PLCH1: variants seen among roughly 807,000 people sequenced by gnomAD.
PLCH1 encodes the protein 1-phosphatidylinositol 4,5-bisphosphate phosphodiesterase eta-1.
Under a neutral mutation model 126.7 loss-of-function variants are expected in PLCH1, and 60 were observed. That is an observed-to-expected ratio of 0.47 (90% CI 0.38 to 0.59). PLCH1 has a LOEUF of 0.59. Ranked by LOEUF, PLCH1 falls within the 20% of genes least tolerant of loss-of-function variation. The probability of loss-of-function intolerance (pLI) is 0.00; values close to 1 mark genes in which losing one functional copy is unlikely to be tolerated. For missense variants in PLCH1, 1,723 were observed against 2,040.0 expected (o/e 0.84, Z 2.99); for synonymous variants, 719 against 734.9 (o/e 0.98, Z 0.35).
chr3:155,481,032 G>A lies in PLCH1; in HGVS notation c.4994C>T (p.Ser1665Phe), dbSNP rs745529770. 1 of 1,611,990 alleles carries A rather than the reference G, an allele frequency of 6.2e-7. No homozygotes were observed. Among genetic ancestry groups the A allele is most frequent in the Non-Finnish European group, 8.5e-7 (1 of 1,178,156 alleles). ...GHVDQFCSDN[S>F]VLQTEPSSDD... ...ACTGCTTGGCTCAGTCTGCAAAACA[G>A]AATTATCTGAACAAAACTGGTCAAC... The change falls in exon 23 of 23, where the codon TCT becomes TTT. Residue 1665 changes from serine (S) to phenylalanine (F), a missense_variant. By Grantham distance (155) the Ser-to-Phe change is radical (BLOSUM62 -2). This residue lies in a region of PLCH1 where 947 missense variants were observed against 977.1 expected (regional missense o/e 0.97). Transcript: ENST00000460012. The surrounding 1 kb of genome is among the most constrained non-coding windows in gnomAD (Gnocchi z 4.2).
chr3:155,688,474 C>T (rs1213289395), intron 2 of PLCH1, among the ~76,000 whole-genome samples: 1 of 152,326 alleles, frequency 6.6e-6, no homozygotes, highest in African/African-American at 2.4e-5. Flanking sequence ...CACCATTCAT[C>T]CCCACTGCTG....
intron 2 of PLCH1, among the ~76,000 whole-genome samples, chr3:155,604,379 A>G (rs1446717965): frequency 6.6e-6 from 1 of 152,168 alleles, no homozygotes; most frequent in Non-Finnish European, 1.5e-5. Flanking sequence ...AGAGTTTGTT[A>G]ATTTTTTTTC....
chr3:155,501,512 G>A (rs903727346), intron 13 of PLCH1, among the ~76,000 whole-genome samples: 9 of 152,180 alleles, frequency 5.9e-5, no homozygotes, highest in African/African-American at 2.2e-4. Flanking sequence ...CAAATGATGG[G>A]CCGGGCGTGG....
At chr3:155,701,506 G>A (rs1377506696) in intron 2 of PLCH1, among the ~76,000 whole-genome samples, 1 of 152,112 alleles carries the variant, frequency 6.6e-6, no homozygotes, top group Non-Finnish European at 1.5e-5. Flanking sequence ...CTATTATTCT[G>A]CACGGGAAAT....
rs866746161 is a variant in PLCH1 at position 155,467,031 on chromosome 3, T to C, written c.2938+18325A>G. Among the ~76,000 whole-genome samples, 4 of 152,106 alleles carry C rather than the reference T, an allele frequency of 2.6e-5. 1 individual carries two copies. Among genetic ancestry groups the C allele is most frequent in the African/African-American group, 7.2e-5 (3 of 41,432 alleles). On this transcript the variant is annotated intron_variant, in intron 21 of 21. Coordinates refer to the PLCH1 transcript ENST00000494598. ...CTCAAAAGGGCTAATCTAACAGTTATTGGCCTTAAAGAAGCGGTAGAGAAA... is the reference window on the plus strand; with the variant it reads ...CTCAAAAGGGCTAATCTAACAGTTACTGGCCTTAAAGAAGCGGTAGAGAAA...
intron 2 of PLCH1, among the ~76,000 whole-genome samples, chr3:155,661,931 A>G (rs1343421279): frequency 1.3e-5 from 2 of 152,220 alleles, no homozygotes; most frequent in East Asian, 1.9e-4. Context: ...TCAACTAGAG[A>G]CAGTACATAA....
chr3:155,571,288 T>G (rs184578390), intron 6 of PLCH1, among the ~76,000 whole-genome samples: 21 of 152,196 alleles, frequency 1.4e-4, no homozygotes, highest in Non-Finnish European at 2.6e-4. Flanking sequence ...AGGGTTATAT[T>G]TGTAACTAAA....
chr3:155,719,386 G>A (rs1747777129), intron 1 of PLCH1, among the ~76,000 whole-genome samples: 1 of 152,138 alleles, frequency 6.6e-6, no homozygotes, highest in Non-Finnish European at 1.5e-5. Flanking sequence ...GGAGGGGGAA[G>A]GGATAGCATT....
At chr3:155,550,010 G>A (rs1725898669) in intron 9 of PLCH1, 52 bp from the exon 10 acceptor site, 1 of 1,388,566 alleles carries the variant, frequency 7.2e-7, no homozygotes, top group Non-Finnish European at 1.0e-6. Context: ...CAACTCACAG[G>A]GACTTTTGAA....
At chr3:155,519,781 TAAAA>T (rs66772251) in intron 11 of PLCH1, among the ~76,000 whole-genome samples, 3 of 124,606 alleles carry the variant, frequency 2.4e-5, no homozygotes, top group Non-Finnish European at 3.4e-5. Flanking sequence ...ACCTTTGCTT[TAAAA>T]AAAAAAAAAA....
At chr3:155,601,213 G>A (rs1733695107) in intron 2 of PLCH1, among the ~76,000 whole-genome samples, 1 of 152,132 alleles carries the variant, frequency 6.6e-6, no homozygotes, top group Admixed American at 6.5e-5. Flanking sequence ...TCCTGACCTC[G>A]TGATCCACCC....
intron 2 of PLCH1, among the ~76,000 whole-genome samples, chr3:155,632,698 G>A (rs753317611): frequency 4.6e-5 from 7 of 152,296 alleles, no homozygotes; most frequent in Non-Finnish European, 7.4e-5. Context: ...GTGAGGGAGT[G>A]TTCTTAAAGT....
In PLCH1 at chr3:155,494,361, T is replaced by A; in HGVS notation, c.2051A>T (p.Tyr684Phe). Residue 684 changes from tyrosine to phenylalanine, a missense_variant, in exon 16 of 23, where the codon TAC becomes TTC. Transcript: ENST00000460012. The stretch of plus-strand genomic sequence containing the variant: ...ACCTAGCTGGCAGCCTGCGTTCCAG[T>A]AGGGGAGAGGGTTGAAGTTACTGGA... The part of the protein sequence containing the change: ...IDSSNFNPLP[Y>F]WNAGCQLVAL... 1 of 1,613,964 alleles carries A rather than the reference T, an allele frequency of 6.2e-7. No individual in the cohort carries two copies.
intron 10 of PLCH1, among the ~76,000 whole-genome samples, chr3:155,547,439 G>A (rs544442868): frequency 0.017 from 2,333 of 139,042 alleles, 59 homozygotes; most frequent in African/African-American, 0.058. Context: ...TACACTGTTG[G>A]TGGGACTGTA....
chr3:155,676,696 G>A (rs1744118886), intron 2 of PLCH1, among the ~76,000 whole-genome samples: 1 of 152,194 alleles, frequency 6.6e-6, no homozygotes, highest in African/African-American at 2.4e-5. Context: ...TCAAAGCGTT[G>A]AGGGTTTTCC....
chr3:155,727,780 TG>T (rs546983828), intron 1 of PLCH1, among the ~76,000 whole-genome samples: 7 of 152,192 alleles, frequency 4.6e-5, no homozygotes, highest in Non-Finnish European at 4.4e-5. Context: ...GTATTAGAGC[TG>T]GTTTACAATC....
At chr3:155,563,803 T>C (rs560056415) in intron 8 of PLCH1, among the ~76,000 whole-genome samples, 1 of 152,282 alleles carries the variant, frequency 6.6e-6, no homozygotes, top group South Asian at 2.1e-4. Flanking sequence ...CCTTTACAGC[T>C]GACCCTCAGC....
At chr3:155,534,759 T>C (rs1272470413) in intron 10 of PLCH1, among the ~76,000 whole-genome samples, 2 of 152,170 alleles carry the variant, frequency 1.3e-5, no homozygotes, top group Non-Finnish European at 1.5e-5. Flanking sequence ...AGTTTCCCCA[T>C]GCTGTTCTCA....
chr3:155,576,747 C>T (rs977854705), intron 6 of PLCH1, among the ~76,000 whole-genome samples: 3 of 152,048 alleles, frequency 2.0e-5, no homozygotes, highest in Admixed American at 6.6e-5. Flanking sequence ...CAAAACCCCA[C>T]GAAACTCTTG....
Sources: gnomAD v4.1 joint callset for allele counts (sites outside exome capture counted in the v4.1 genomes callset) on GRCh38, gnomAD v4.1.1 for gene constraint, gnomAD v4.1.1 regional missense constraint, Gnocchi (gnomAD v3.1) non-coding constraint, MANE v1.5 for transcripts, NCBI Gene and HGNC (gene_info 2026-07-23, HGNC 2026-07-21) for gene names.